Variants in GPATCH8 observed in about 807,000 individuals in gnomAD.
GPATCH8 encodes G patch domain-containing protein 8.
Under a neutral mutation model 118.3 loss-of-function variants are expected in GPATCH8, and 18 were observed. The observed-to-expected ratio is 0.15, with a 90% confidence interval of 0.11 to 0.23. The LOEUF (loss-of-function observed/expected upper bound fraction) is 0.23. GPATCH8 is among the 10% of genes least tolerant of loss of function. The probability of loss-of-function intolerance (pLI) is 1.00; values close to 1 mark genes in which losing one functional copy is unlikely to be tolerated. For synonymous variants in GPATCH8, 659 were observed against 684.7 expected (o/e 0.96, Z 0.59); for missense variants, 1,631 against 1,873.8 (o/e 0.87, Z 2.39).
At chr17:44,413,767 G>T (rs201578194) in intron 6 of GPATCH8, among the ~76,000 whole-genome samples, 1 of 151,978 alleles carries the variant, frequency 6.6e-6, no homozygotes, top group African/African-American at 2.4e-5. Context: ...TTACAGGCAC[G>T]TGCCACCATA....
At chr17:44,453,803 G>T (rs2051224579) in intron 3 of GPATCH8, among the ~76,000 whole-genome samples, 1 of 151,704 alleles carries the variant, frequency 6.6e-6, no homozygotes, top group Non-Finnish European at 1.5e-5. Flanking sequence ...AAGTGTTGGG[G>T]ATTACAGGCA....
intron 3 of GPATCH8, among the ~76,000 whole-genome samples, chr17:44,457,003 C>A (rs1211038262): frequency 6.6e-6 from 1 of 151,982 alleles, no homozygotes; most frequent in Non-Finnish European, 1.5e-5. Context: ...GCTGGGATTA[C>A]AGGCACGCAC....
intron 2 of GPATCH8, among the ~76,000 whole-genome samples, chr17:44,468,620 A>T (rs1182216520): frequency 6.6e-6 from 1 of 151,908 alleles, no homozygotes; most frequent in African/African-American, 2.4e-5. Context: ...ACTTAATTTC[A>T]GTTACTATAA....
chr17:44,438,054 A>G (rs1048458628), intron 3 of GPATCH8, among the ~76,000 whole-genome samples: 1 of 152,122 alleles, frequency 6.6e-6, no homozygotes, highest in South Asian at 2.1e-4. Flanking sequence ...CCTATGCCCA[A>G]TGGTATAATA....
At position 44,481,608 on chromosome 17, in the gene GPATCH8, CT is replaced by C. The variant is rs974641988; in HGVS notation, c.46-6706del. Among the ~76,000 whole-genome samples the C allele has an allele frequency of 1.3e-3, 197 of 152,076 alleles. 1 individual carries two copies. Among genetic ancestry groups the C allele is most frequent in the African/African-American group, 4.2e-3 (173 of 41,482 alleles). ...GCGTTTTGTCAATACTCAAATTGTA[CT>C]TTTTTTTCACCGTCTTATGGTGCTG... is the stretch of plus-strand genomic sequence containing the variant. On this transcript the variant is annotated intron_variant, in intron 1 of 7. Coordinates refer to ENST00000591680, the MANE Select transcript of GPATCH8 (RefSeq NM_001002909.4).
Position 44,396,148 on chromosome 17 carries a change from A to T in GPATCH8, c.*1420T>A, listed in dbSNP as rs1364622927. 2 of 439,558 alleles carry T rather than the reference A, an allele frequency of 4.6e-6. No homozygotes were observed. Among genetic ancestry groups the T allele is most frequent in the Non-Finnish European group, 4.6e-6 (1 of 219,112 alleles). 27.2% of individuals were successfully genotyped at this position (439,558 alleles called of 1,614,324 possible). ...TTTCTACCAACCCAAAAGGCACATTAAAAAAAAAATTGTCAGAGGGGGCTA... is the reference window on the plus strand; with the variant it reads ...TTTCTACCAACCCAAAAGGCACATTTAAAAAAAAATTGTCAGAGGGGGCTA... On this transcript the variant is annotated 3_prime_UTR_variant, in exon 8 of 8. Coordinates refer to ENST00000591680, the MANE Select transcript of GPATCH8 (RefSeq NM_001002909.4).
At chr17:44,473,647 A>G (rs530951933) in intron 2 of GPATCH8, 1 of 152,444 alleles carries the variant, frequency 6.6e-6, no homozygotes, top group Admixed American at 6.5e-5. Context: ...GACCAGAAAG[A>G]CAGAAATAAG....
intron 1 of GPATCH8, among the ~76,000 whole-genome samples, chr17:44,488,428 G>A (rs1968963723): frequency 6.6e-6 from 1 of 151,446 alleles, no homozygotes; most frequent in Non-Finnish European, 1.5e-5. Flanking sequence ...GCGTGCAGTG[G>A]CATGATCTCG....
chr17:44,400,013 T>C lies in GPATCH8; in HGVS notation c.2064A>G (p.Lys688=), dbSNP rs1393628819. 1 of 1,613,874 alleles carries C rather than the reference T, an allele frequency of 6.2e-7. No individual in the cohort carries two copies. The highest frequency in any genetic ancestry group is 8.5e-7 in the Non-Finnish European group (1 of 1,179,940). Reference sequence around the variant, plus strand: ...CTTCTGTGTCAGCCTTGTGTTTACGTTTGTGTTTGCTGGATTTTTTGTGCT... The same window carrying C: ...CTTCTGTGTCAGCCTTGTGTTTACGCTTGTGTTTGCTGGATTTTTTGTGCT... The part of the protein sequence containing the change: ...KKKHKKSSKH[K]RKHKADTEEK... The change falls in exon 8 of 8, where the codon AAA becomes AAG. Residue 688 remains lysine (K), a synonymous_variant. Coordinates refer to ENST00000591680, the MANE Select transcript of GPATCH8 (RefSeq NM_001002909.4).
intron 1 of GPATCH8, among the ~76,000 whole-genome samples, chr17:44,483,825 T>TTG (rs1968547393): frequency 6.0e-5 from 9 of 149,226 alleles, no homozygotes; most frequent in South Asian, 2.1e-4. Context: ...TTTGGTTGTT[T>TTG]TTGTTGTTGT....
intron 6 of GPATCH8, among the ~76,000 whole-genome samples, chr17:44,411,927 TA>T (rs113092631): frequency 1.3e-5 from 2 of 149,788 alleles, no homozygotes. Context: ...ACTGTGTCTA[TA>T]AAAAAAAAAT....
chr17:44,456,147 C>T (rs943929171), intron 3 of GPATCH8, among the ~76,000 whole-genome samples: 137 of 152,280 alleles, frequency 9.0e-4, no homozygotes, highest in Non-Finnish European at 1.7e-3. Flanking sequence ...CTATGTTGCC[C>T]AGGCTAAGGT....
At chr17:44,407,363 T>C (rs1327927375) in intron 6 of GPATCH8, 1 of 152,040 alleles carries the variant, frequency 6.6e-6, no homozygotes, top group African/African-American at 2.4e-5. Flanking sequence ...CGAGCTCTCT[T>C]AGTGAATCTG....
At chr17:44,405,203 A>G (rs1339864102) in intron 7 of GPATCH8, among the ~76,000 whole-genome samples, 2 of 151,588 alleles carry the variant, frequency 1.3e-5, no homozygotes, top group South Asian at 2.1e-4. Context: ...CTGAAGGTTT[A>G]TAATTCTTTT....
chr17:44,403,666 T>A (rs1457691539), intron 7 of GPATCH8, among the ~76,000 whole-genome samples: 2 of 151,866 alleles, frequency 1.3e-5, no homozygotes, highest in Non-Finnish European at 2.9e-5. Flanking sequence ...CAGGGATAAG[T>A]ATATTCAGAC....
intron 3 of GPATCH8, among the ~76,000 whole-genome samples, chr17:44,461,413 G>A (rs1011047093): frequency 1.2e-4 from 18 of 151,802 alleles, no homozygotes; most frequent in African/African-American, 4.1e-4. Flanking sequence ...TCAACTCCTG[G>A]CCTCAAGTAA....
intron 6 of GPATCH8, among the ~76,000 whole-genome samples, chr17:44,411,726 T>A (rs2049440464): frequency 1.3e-5 from 2 of 152,216 alleles, no homozygotes; most frequent in Non-Finnish European, 2.9e-5. Flanking sequence ...CAACAGGGAC[T>A]GAGGCTTAGT....
At chr17:44,468,221 C>T (rs1420294074) in intron 2 of GPATCH8, among the ~76,000 whole-genome samples, 3 of 151,912 alleles carry the variant, frequency 2.0e-5, no homozygotes, top group Admixed American at 2.0e-4. Context: ...GATCCGCCTG[C>T]CTTGGCTTCC....
intron 3 of GPATCH8, among the ~76,000 whole-genome samples, chr17:44,437,739 C>T (rs1015872098): frequency 4.0e-5 from 6 of 151,686 alleles, no homozygotes; most frequent in African/African-American, 1.2e-4. Flanking sequence ...ATGTTCAAAA[C>T]GACCACAACC....
Sources: gnomAD v4.1 joint callset for allele counts (sites outside exome capture counted in the v4.1 genomes callset) on GRCh38, gnomAD v4.1.1 for gene constraint, MANE v1.5 for transcripts, NCBI Gene and HGNC (gene_info 2026-07-23, HGNC 2026-07-21) for gene names.